UEVLD: variants seen among roughly 807,000 people sequenced by gnomAD.
The protein encoded by UEVLD is ubiquitin-conjugating enzyme E2 variant 3.
Under a neutral mutation model 58.6 loss-of-function variants are expected in UEVLD, and 47 were observed. The observed-to-expected ratio is 0.80, with a 90% confidence interval of 0.63 to 1.02. UEVLD has a LOEUF of 1.02. Among genes scored for constraint, UEVLD ranks in the 50% least tolerant of loss-of-function variants. The pLI, the probability that UEVLD is intolerant of heterozygous loss-of-function variation, is 0.00. For missense variants in UEVLD, 510 were observed against 550.6 expected (o/e 0.93, Z 0.74); for synonymous variants, 197 against 195.3 (o/e 1.01, Z -0.07).
At chr11:18,551,313 C>T (rs1170164265) in intron 7 of UEVLD, among the ~76,000 whole-genome samples, 1 of 151,244 alleles carries the variant, frequency 6.6e-6, no homozygotes, top group Non-Finnish European at 1.5e-5. Flanking sequence ...ATCCCAGCTA[C>T]TCAGGAAGCT....
chr11:18,563,663 G>T, intron 6 of UEVLD: 1 of 981,576 alleles, frequency 1.0e-6, no homozygotes, highest in Non-Finnish European at 1.2e-6. Context: ...GTTTATAGAA[G>T]CATTTATTTA....
intron 1 of UEVLD, among the ~76,000 whole-genome samples, chr11:18,580,751 T>C (rs1034864761): frequency 3.9e-5 from 6 of 151,964 alleles, no homozygotes; most frequent in African/African-American, 1.5e-4. Context: ...GGCAAATACA[T>C]AGAAACACAA....
intron 9 of UEVLD, among the ~76,000 whole-genome samples, chr11:18,538,107 TA>T (rs2133959126): frequency 6.6e-6 from 1 of 152,320 alleles, no homozygotes; most frequent in Non-Finnish European, 1.5e-5. Context: ...GGCTATAGAA[TA>T]ATATGTTTAA....
chr11:18,572,033 A>G (rs1239675064), intron 3 of UEVLD, among the ~76,000 whole-genome samples: 6 of 152,060 alleles, frequency 3.9e-5, no homozygotes, highest in East Asian at 3.9e-4. Context: ...TCAGGAGATC[A>G]AGACCATCCT....
intron 9 of UEVLD, among the ~76,000 whole-genome samples, chr11:18,540,919 A>AGG (rs1851028080): frequency 1.3e-5 from 2 of 152,246 alleles, no homozygotes; most frequent in South Asian, 4.1e-4. Context: ...TTATTGAGCA[A>AGG]AGCAGGTGGC....
At chr11:18,583,439 G>A (rs1039862835) in intron 1 of UEVLD, among the ~76,000 whole-genome samples, 1 of 151,812 alleles carries the variant, frequency 6.6e-6, no homozygotes, top group Non-Finnish European at 1.5e-5. Context: ...GGCTGGTCTC[G>A]AACTCTTGAC....
intron 7 of UEVLD, among the ~76,000 whole-genome samples, chr11:18,554,452 A>G (rs944976707): frequency 1.4e-5 from 2 of 143,900 alleles, no homozygotes; most frequent in Non-Finnish European, 3.0e-5. Flanking sequence ...GCTGGAGTAC[A>G]ATGGCACAAT....
intron 2 of UEVLD, among the ~76,000 whole-genome samples, chr11:18,576,858 C>T (rs1007792212): frequency 6.6e-6 from 1 of 152,184 alleles, no homozygotes; most frequent in African/African-American, 2.4e-5. Context: ...AAACTGTTCT[C>T]ACAATGCTCG....
intron 6 of UEVLD, among the ~76,000 whole-genome samples, chr11:18,562,604 T>C (rs1590347804): frequency 6.6e-6 from 1 of 151,348 alleles, no homozygotes; most frequent in African/African-American, 2.4e-5. Flanking sequence ...CCCAGGCTGG[T>C]CTCAAACTCC....
At chr11:18,570,158 G>C in intron 4 of UEVLD, 56 bp downstream of exon 4, 1 of 1,466,854 alleles carries the variant, frequency 6.8e-7, no homozygotes, top group Non-Finnish European at 9.2e-7. Context: ...CAGAATCAAT[G>C]ATAGGTATTT....
chr11:18,569,730 A>T (rs1852495198), intron 4 of UEVLD, among the ~76,000 whole-genome samples: 1 of 152,230 alleles, frequency 6.6e-6, no homozygotes, highest in South Asian at 2.1e-4. Flanking sequence ...GAGGACATAA[A>T]ACAAATACTA....
At chr11:18,559,089 A>T (rs1851886153) in intron 6 of UEVLD, among the ~76,000 whole-genome samples, 1 of 151,950 alleles carries the variant, frequency 6.6e-6, no homozygotes, top group South Asian at 2.1e-4. Context: ...GGCCAGGCTC[A>T]TCACAAACTC....
At position 18,532,389 on chromosome 11, in the gene UEVLD, A is replaced by G. The variant is rs773570831; in HGVS notation, c.1347T>C (p.Asp449=). The G allele has an allele frequency of 6.9e-5, 111 of 1,613,604 alleles. No homozygotes were observed. The Admixed American group carries it at 1.8e-3, about 26-fold the overall frequency. ...TGCTTTGGAGTTTCTCAGTAACTGT[A>G]TCTTCTTTCAGTGTGGTTTTGATAA... The part of the protein sequence containing the change: ...SEVIKTTLKE[D]TVTEKLQSSA... The change falls in exon 12 of 12, where the codon GAT becomes GAC. Residue 449 remains aspartate (D), a synonymous_variant. Transcript: ENST00000396197.
intron 5 of UEVLD, among the ~76,000 whole-genome samples, chr11:18,565,892 T>TTTTCTTTC (rs1405703400): frequency 1.6e-5 from 2 of 124,638 alleles, no homozygotes; most frequent in Non-Finnish European, 1.9e-5. Flanking sequence ...AGGAATTACT[T>TTTTCTTTC]TTTTTTTCTT....
chr11:18,573,717 G>A (rs193141272), intron 3 of UEVLD, among the ~76,000 whole-genome samples: 2 of 152,236 alleles, frequency 1.3e-5, no homozygotes, highest in Admixed American at 1.3e-4. Context: ...ATACACAGAA[G>A]CAGAACAAAA....
intron 1 of UEVLD, among the ~76,000 whole-genome samples, chr11:18,580,636 A>G (rs1853190761): frequency 6.6e-6 from 1 of 151,444 alleles, no homozygotes; most frequent in Admixed American, 6.6e-5. Context: ...TTGGACAAAG[A>G]CTGTGCTTCC....
chr11:18,579,620 C>T (rs1364909117), intron 1 of UEVLD: 2 of 319,030 alleles, frequency 6.3e-6, no homozygotes, highest in Non-Finnish European at 9.1e-6. Flanking sequence ...TGTGAACTGC[C>T]TCTTCATTTA....
chr11:18,558,363 C>G (rs1329724396), intron 6 of UEVLD, 33 bp from the exon 7 acceptor site: 31 of 1,424,656 alleles, frequency 2.2e-5, no homozygotes, highest in Non-Finnish European at 3.0e-5. Context: ...TTACACTGAA[C>G]ATGGCCAGTG....
At chr11:18,544,315 CT>C (rs1431921576) in intron 9 of UEVLD, among the ~76,000 whole-genome samples, 2 of 152,090 alleles carry the variant, frequency 1.3e-5, no homozygotes, top group African/African-American at 4.8e-5. Flanking sequence ...TAATAATGTA[CT>C]TCTTTTTTTA....
Sources: allele counts gnomAD v4.1 joint callset (sites outside exome capture counted in the v4.1 genomes callset), GRCh38; gene constraint gnomAD v4.1.1; transcripts MANE v1.5; gene names NCBI Gene and HGNC (gene_info 2026-07-23, HGNC 2026-07-21).